HHAT: variants seen among roughly 807,000 people sequenced by gnomAD.
HHAT encodes hedgehog acyltransferase.
A neutral mutation model predicts 70.8 loss-of-function variants in HHAT; 47 were observed. The ratio of observed to expected loss-of-function variants is 0.66; its 90% CI spans 0.53 to 0.85. HHAT has a LOEUF of 0.85. Ranked by LOEUF, HHAT falls within the 40% of genes least tolerant of loss-of-function variation. HHAT has a pLI of 0.00. For synonymous variants in HHAT, 228 were observed against 247.6 expected, an observed-to-expected ratio of 0.92 and a Z score of 0.74; for missense variants, 609 against 604.8, an observed-to-expected ratio of 1.01 and a Z score of -0.07.
intron 10 of HHAT, chr1:210,588,433 TG>T (rs1410382458): frequency 4.5e-6 from 1 of 220,540 alleles, no homozygotes; most frequent in Non-Finnish European, 9.1e-6. Context: ...AACAGACATA[TG>T]TATATAACAT....
At chr1:210,652,597 C>T (rs1675389949) in intron 11 of HHAT, among the ~76,000 whole-genome samples, 1 of 152,208 alleles carries the variant, frequency 6.6e-6, no homozygotes. Context: ...ACTCAGTGCC[C>T]TTGCCTGTGC....
Position 210,495,773 on chromosome 1 carries a change from C to T in HHAT, c.1008-17380C>T, listed in dbSNP as rs112367581. On this transcript the variant is annotated intron_variant, in intron 8 of 11. Coordinates refer to ENST00000261458, the MANE Select transcript of HHAT (RefSeq NM_018194.6). ...CTGTAATCCCAGTGCTTTGGGTGGC[C>T]GAGGCGGGCAGATCGCCTGAGGTCA... 8.2e-3 allele frequency among the ~76,000 whole-genome samples: 1,244 copies of T among 151,914 alleles called. 19 individuals carry two copies. Among genetic ancestry groups the T allele is most frequent in the African/African-American group, 0.028 (1,174 of 41,438 alleles).
chr1:210,450,676 C>T (rs1572531366), intron 7 of HHAT, among the ~76,000 whole-genome samples: 1 of 150,018 alleles, frequency 6.7e-6, no homozygotes. Flanking sequence ...AATGAATCTA[C>T]ATATTAAATA....
intron 8 of HHAT, among the ~76,000 whole-genome samples, chr1:210,491,064 A>AGAGAGTGTGTGTGT (rs71785485): frequency 2.8e-5 from 1 of 36,180 alleles, no homozygotes; most frequent in African/African-American, 6.7e-5. Flanking sequence ...ACACACACAT[A>AGAGAGTGTGTGTGT]GTGTGTGTGT....
chr1:210,496,490 G>T (rs2094646402), intron 8 of HHAT, among the ~76,000 whole-genome samples: 1 of 152,150 alleles, frequency 6.6e-6, no homozygotes. Flanking sequence ...TGCATGAGAG[G>T]GACTTTACAA....
chr1:210,595,805 A>G (rs1327164377), intron 10 of HHAT, among the ~76,000 whole-genome samples: 3 of 151,542 alleles, frequency 2.0e-5, no homozygotes, highest in Non-Finnish European at 4.4e-5. Context: ...CCACTTTTTG[A>G]TGGGGTTGTT....
At chr1:210,570,880 G>C (rs1173144960) in intron 9 of HHAT, among the ~76,000 whole-genome samples, 1 of 152,124 alleles carries the variant, frequency 6.6e-6, no homozygotes, top group Non-Finnish European at 1.5e-5. Flanking sequence ...TGGTTGCCCT[G>C]ATCAGTCCAG....
At chr1:210,539,640 G>A (rs1303519599) in intron 9 of HHAT, among the ~76,000 whole-genome samples, 3 of 152,304 alleles carry the variant, frequency 2.0e-5, no homozygotes, top group Middle Eastern at 3.4e-3. Context: ...AGATGGGGGT[G>A]TTGTCAGCGG....
At chr1:210,417,244 T>G (rs968642246) in intron 6 of HHAT, among the ~76,000 whole-genome samples, 1 of 152,186 alleles carries the variant, frequency 6.6e-6, no homozygotes, top group Non-Finnish European at 1.5e-5. Context: ...TTTGTTTTGT[T>G]TTGTTTTTTA....
At chr1:210,511,294 G>A (rs1433845767) in intron 8 of HHAT, among the ~76,000 whole-genome samples, 3 of 152,106 alleles carry the variant, frequency 2.0e-5, no homozygotes, top group Admixed American at 6.5e-5. Flanking sequence ...CTCGAATCCC[G>A]TTTTTCCTGA....
chr1:210,400,724 C>T (rs562393233), intron 5 of HHAT, 62 bp downstream of exon 5: 3 of 1,429,816 alleles, frequency 2.1e-6, no homozygotes, highest in Non-Finnish European at 2.9e-6. Flanking sequence ...TGCCTTGATC[C>T]CAGTAGACAC....
At chr1:210,365,925 TA>T (rs748693133) in intron 3 of HHAT, among the ~76,000 whole-genome samples, 106 of 102,864 alleles carry the variant, frequency 1.0e-3, no homozygotes, top group South Asian at 1.6e-3. Flanking sequence ...CACATTTTAT[TA>T]AAAAAAATTT....
intron 9 of HHAT, among the ~76,000 whole-genome samples, chr1:210,516,943 T>C (rs2095066950): frequency 6.6e-6 from 1 of 152,228 alleles, no homozygotes; most frequent in Non-Finnish European, 1.5e-5. Flanking sequence ...AGGAAAGAGC[T>C]GTCACATTTA....
At chr1:210,334,275 C>G (rs1378760220) in intron 1 of HHAT, among the ~76,000 whole-genome samples, 1 of 149,580 alleles carries the variant, frequency 6.7e-6, no homozygotes, top group African/African-American at 2.5e-5. Context: ...CCCACCTCAG[C>G]CTGCTGAGCA....
chr1:210,493,620 G>A (rs2094585377), intron 8 of HHAT, among the ~76,000 whole-genome samples: 2 of 152,178 alleles, frequency 1.3e-5, no homozygotes, highest in Admixed American at 1.3e-4. Context: ...TCCCAGGTCT[G>A]GAGTATGAGA....
intron 7 of HHAT, among the ~76,000 whole-genome samples, chr1:210,439,041 T>G (rs1435697420): frequency 6.6e-6 from 1 of 151,958 alleles, no homozygotes; most frequent in African/African-American, 2.4e-5. Context: ...GTGGTCATCA[T>G]GCACACGTCA....
intron 8 of HHAT, among the ~76,000 whole-genome samples, chr1:210,507,482 TC>T (rs2094880308): frequency 6.7e-6 from 1 of 149,320 alleles, no homozygotes; most frequent in Non-Finnish European, 1.5e-5. Flanking sequence ...TGCCTCAGCC[TC>T]CCTAGCAGCT....
At chr1:210,349,101 C>A in intron 2 of HHAT, 35 bp downstream of exon 2, 1 of 1,601,568 alleles carries the variant, frequency 6.2e-7, no homozygotes, top group Non-Finnish European at 8.5e-7. Context: ...TCCTATCAAA[C>A]AAGGAAACTC....
At chr1:210,348,770 AGGATGGAGTAAGTTCACAG>A (rs1327186073) in intron 1 of HHAT, among the ~76,000 whole-genome samples, 144 bp from the exon 2 acceptor site, 1 of 105,764 alleles carries the variant, frequency 9.5e-6, no homozygotes, top group Non-Finnish European at 1.9e-5. Context: ...TGTTGGATGC[AGGATGGAGTAAGTTCACAG>A]GGAGGAGGAA....
Sources: allele counts gnomAD v4.1 joint callset (sites outside exome capture counted in the v4.1 genomes callset), GRCh38; gene constraint gnomAD v4.1.1; transcripts MANE v1.5; gene names NCBI Gene and HGNC (gene_info 2026-07-23, HGNC 2026-07-21).